TGFA: variants seen among roughly 807,000 people sequenced by gnomAD.
TGFA encodes protransforming growth factor alpha.
In TGFA, 12 loss-of-function variants were observed where a neutral mutation model predicts 21.7. That is an observed-to-expected ratio of 0.55 (90% CI 0.35 to 0.90). The LOEUF (loss-of-function observed/expected upper bound fraction) is 0.90, where lower values mean the gene tolerates loss of function less well. Ranked by LOEUF, TGFA falls within the 40% of genes least tolerant of loss-of-function variation. TGFA has a pLI of 0.01. For missense variants in TGFA, 178 were observed against 210.8 expected (o/e 0.84, Z 0.96); for synonymous variants, 79 against 88.1 (o/e 0.90, Z 0.58).
intron 2 of TGFA, among the ~76,000 whole-genome samples, chr2:70,501,055 C>T (rs1671724796): frequency 6.6e-6 from 1 of 151,004 alleles, no homozygotes; most frequent in Non-Finnish European, 1.5e-5. Context: ...TCAGATCTTA[C>T]TTTTAAGTCT....
intron 2 of TGFA, among the ~76,000 whole-genome samples, chr2:70,476,092 A>AT (rs1670918282): frequency 6.7e-6 from 1 of 149,792 alleles, no homozygotes; most frequent in African/African-American, 2.5e-5. Flanking sequence ...AAAAAAAAAA[A>AT]AAAAAAAAAA....
intron 1 of TGFA, among the ~76,000 whole-genome samples, chr2:70,529,183 T>A (rs1413892346): frequency 2.0e-5 from 3 of 152,194 alleles, no homozygotes; most frequent in African/African-American, 7.2e-5. Flanking sequence ...CCCAGAACAG[T>A]GCCTGACACA....
At chr2:70,528,513 G>A (rs1274448486) in intron 1 of TGFA, among the ~76,000 whole-genome samples, 1 of 138,660 alleles carries the variant, frequency 7.2e-6, no homozygotes, top group Non-Finnish European at 1.6e-5. Flanking sequence ...AGGGTAGAAC[G>A]ATGTGGGGGG....
rs10191424 is a variant in TGFA, at chr2:70,458,638, T to C, written c.216-2150A>G. Among the ~76,000 whole-genome samples the C allele has an allele frequency of 7.8e-3, 1,191 of 152,294 alleles. 17 individuals carry two copies. The highest frequency in any genetic ancestry group is 0.027 in the African/African-American group (1,142 of 41,546). On this transcript the variant is annotated intron_variant, in intron 3 of 5. Coordinates refer to ENST00000295400, the MANE Select transcript of TGFA (RefSeq NM_003236.4). ...GCTACCTTTTCCACCTGGAATATCA[T>C]TCCTCACTCTCCTCCTCAGGCTCCA...
At chr2:70,451,439 A>G (rs1670055702) in intron 5 of TGFA, among the ~76,000 whole-genome samples, 1 of 152,198 alleles carries the variant, frequency 6.6e-6, no homozygotes, top group Admixed American at 6.5e-5. Flanking sequence ...TGGTTCACCC[A>G]TCCTTTAGGC....
chr2:70,450,988 T>A, intron 5 of TGFA, 122 bp from the exon 6 acceptor site: 1 of 1,193,798 alleles, frequency 8.4e-7, no homozygotes, highest in Admixed American at 2.0e-5. Context: ...CTCGGGCAGT[T>A]AGGCCCGAGT....
At chr2:70,511,890 TAC>T (rs36084203) in intron 2 of TGFA, among the ~76,000 whole-genome samples, 21,369 of 142,418 alleles carry the variant, frequency 0.15, 1,495 homozygotes, top group South Asian at 0.19. Flanking sequence ...TAGTCATGAA[TAC>T]ACACACACAC....
intron 1 of TGFA, among the ~76,000 whole-genome samples, chr2:70,516,961 C>T (rs1050576720): frequency 6.6e-6 from 1 of 152,212 alleles, no homozygotes; most frequent in Admixed American, 6.5e-5. Context: ...TCCTGGGCTC[C>T]ATGTTGGCCT....
intron 1 of TGFA, among the ~76,000 whole-genome samples, chr2:70,526,251 C>T (rs1282818147): frequency 6.6e-6 from 1 of 152,200 alleles, no homozygotes; most frequent in Non-Finnish European, 1.5e-5. Flanking sequence ...ATTCAGGTTA[C>T]ACAACATGAA....
intron 1 of TGFA, 85 bp from the exon 2 acceptor site, chr2:70,514,997 C>T: frequency 7.6e-7 from 1 of 1,308,792 alleles, no homozygotes; most frequent in Admixed American, 2.0e-5. Context: ...GGCCCTTTGA[C>T]AGGCAAAGGT....
intron 2 of TGFA, among the ~76,000 whole-genome samples, chr2:70,510,949 T>TG (rs1325435870): frequency 1.3e-5 from 2 of 151,920 alleles, no homozygotes; most frequent in African/African-American, 4.8e-5. Context: ...GAGACCAGCC[T>TG]GGGCAACATA....
At chr2:70,470,017 C>T (rs576340670) in intron 2 of TGFA, among the ~76,000 whole-genome samples, 6 of 151,344 alleles carry the variant, frequency 4.0e-5, no homozygotes, top group South Asian at 2.1e-4. Flanking sequence ...GCAATGCAAA[C>T]GAGAAACAAG....
chr2:70,494,066 G>C (rs1209615301), intron 2 of TGFA, among the ~76,000 whole-genome samples: 2 of 152,206 alleles, frequency 1.3e-5, no homozygotes, highest in African/African-American at 4.8e-5. Context: ...TCCCTCTGGA[G>C]ATTGTAGGGG....
intron 2 of TGFA, among the ~76,000 whole-genome samples, chr2:70,512,321 C>T (rs112178859): frequency 1.3e-5 from 2 of 152,006 alleles, no homozygotes; most frequent in Admixed American, 1.3e-4. Context: ...GCTCAGTGAC[C>T]CATCAAACAG....
intron 2 of TGFA, among the ~76,000 whole-genome samples, chr2:70,466,974 G>A (rs1433405774): frequency 2.6e-5 from 4 of 152,082 alleles, no homozygotes; most frequent in African/African-American, 9.7e-5. Context: ...ATAAGTGGGA[G>A]CTGAACAAAG....
intron 1 of TGFA, among the ~76,000 whole-genome samples, chr2:70,515,279 T>G (rs900318554): frequency 1.1e-4 from 17 of 152,338 alleles, no homozygotes; most frequent in African/African-American, 3.8e-4. Flanking sequence ...TCAACCATTT[T>G]AATTGTACAT....
At chr2:70,502,121 A>C (rs3821261) in intron 2 of TGFA, among the ~76,000 whole-genome samples, 33,432 of 152,072 alleles carry the variant, frequency 0.22, 7,329 homozygotes, top group African/African-American at 0.57. Flanking sequence ...CCTCCAATTT[A>C]TCGATGTTCC....
chr2:70,459,028 C>G (rs965820006), intron 3 of TGFA, among the ~76,000 whole-genome samples: 4 of 152,154 alleles, frequency 2.6e-5, no homozygotes, highest in Non-Finnish European at 4.4e-5. Context: ...CTTCTTTCTC[C>G]CGGGGAAAGG....
chr2:70,536,198 A>G (rs1219502551), intron 1 of TGFA, among the ~76,000 whole-genome samples: 2 of 152,286 alleles, frequency 1.3e-5, no homozygotes, highest in South Asian at 2.1e-4. Flanking sequence ...TGACGAAGTT[A>G]CTAAGCAATC....
Sources: gnomAD v4.1 joint callset for allele counts (sites outside exome capture counted in the v4.1 genomes callset) on GRCh38, gnomAD v4.1.1 for gene constraint, MANE v1.5 for transcripts, NCBI Gene and HGNC (gene_info 2026-07-23, HGNC 2026-07-21) for gene names.